Variants in CNTNAP2 observed in about 807,000 individuals in gnomAD.
The protein encoded by CNTNAP2 is contactin-associated protein-like 2.
In CNTNAP2, 98 loss-of-function variants were observed where a neutral mutation model predicts 155.2. The observed-to-expected ratio is 0.63, with a 90% confidence interval of 0.54 to 0.75. The LOEUF is 0.75. CNTNAP2 is among the 30% of genes least tolerant of loss of function. CNTNAP2 has a pLI of 0.00. For synonymous variants in CNTNAP2, 651 were observed against 631.2 expected, an observed-to-expected ratio of 1.03 and a Z score of -0.47; for missense variants, 1,727 against 1,688.1, an observed-to-expected ratio of 1.02 and a Z score of -0.40.
At chr7:148,284,453 C>A (rs1797046572) in intron 21 of CNTNAP2, among the ~76,000 whole-genome samples, 1 of 151,938 alleles carries the variant, frequency 6.6e-6, no homozygotes, top group African/African-American at 2.4e-5. Context: ...GTCCATTAAA[C>A]CTCTTTTTCT....
chr7:147,775,330 TATTTATAA>T (rs1481813333), intron 13 of CNTNAP2, among the ~76,000 whole-genome samples: 1 of 53,932 alleles, frequency 1.9e-5, no homozygotes, highest in African/African-American at 1.3e-4. Flanking sequence ...TATTTATATA[TATTTATAA>T]ATATATATAT....
chr7:147,981,329 C>A (rs1801525837), intron 15 of CNTNAP2, among the ~76,000 whole-genome samples: 1 of 152,190 alleles, frequency 6.6e-6, no homozygotes, highest in Non-Finnish European at 1.5e-5. Context: ...TAGCCTCAGC[C>A]ACACATGTCA....
intron 1 of CNTNAP2, among the ~76,000 whole-genome samples, chr7:146,498,606 A>G (rs969519862): frequency 1.3e-5 from 2 of 152,000 alleles, no homozygotes; most frequent in Non-Finnish European, 2.9e-5. Context: ...AGCATTTTAG[A>G]TTGACTTTTT....
chr7:146,514,662 GT>G (rs1034300377), intron 1 of CNTNAP2, among the ~76,000 whole-genome samples: 4 of 146,074 alleles, frequency 2.7e-5, no homozygotes, highest in Non-Finnish European at 4.5e-5. Context: ...AAAGAGTTTT[GT>G]TTTTTTTTTC....
At chr7:148,366,782 A>G (rs1798789880) in intron 21 of CNTNAP2, among the ~76,000 whole-genome samples, 2 of 152,206 alleles carry the variant, frequency 1.3e-5, no homozygotes, top group African/African-American at 4.8e-5. Context: ...TAGAGTCAGT[A>G]GCAGAGTTTT....
At chr7:148,259,614 C>T (rs1796520069) in intron 20 of CNTNAP2, among the ~76,000 whole-genome samples, 1 of 152,170 alleles carries the variant, frequency 6.6e-6, no homozygotes, top group Non-Finnish European at 1.5e-5. Flanking sequence ...GGCCCGGCCC[C>T]TCCACCGGTC....
At chr7:146,797,122 C>A (rs749134326) in intron 2 of CNTNAP2, among the ~76,000 whole-genome samples, 1 of 151,904 alleles carries the variant, frequency 6.6e-6, no homozygotes, top group South Asian at 2.1e-4. Context: ...GGCAACAGAG[C>A]GAGACTCCAT....
chr7:148,277,682 C>T (rs75584249), intron 21 of CNTNAP2, among the ~76,000 whole-genome samples: 2 of 151,848 alleles, frequency 1.3e-5, no homozygotes, highest in African/African-American at 2.4e-5. Flanking sequence ...TGGTCCCATC[C>T]GTCATCCTTT....
intron 19 of CNTNAP2, among the ~76,000 whole-genome samples, chr7:148,227,925 GTGTGTGTGTGA>G (rs1453350920): frequency 4.6e-5 from 7 of 151,324 alleles, no homozygotes; most frequent in African/African-American, 1.7e-4. Flanking sequence ...GTGTGTGTGT[GTGTGTGTGTGA>G]AAGTCTGGAA....
In CNTNAP2 at chr7:147,033,160, GTATATATATATATATATATATA is replaced by G. The variant is rs3081742; in HGVS notation, c.403-10725_403-10704del. On this transcript the variant is annotated intron_variant, in intron 3 of 23. Coordinates refer to ENST00000361727, the MANE Select transcript of CNTNAP2 (RefSeq NM_014141.6). ...AGGATATTGCTGCATATATATATAT[GTATATATATATATATATATATA>G]TATATATATATATATATATATGGAA... 3.0e-3 allele frequency among the ~76,000 whole-genome samples: 275 copies of G among 90,826 alleles called. 2 individuals carry two copies. The highest frequency in any genetic ancestry group is 7.8e-3 in the African/African-American group (190 of 24,238). 59.6% of individuals were successfully genotyped at this position (90,826 alleles called of 152,430 possible). A position where few individuals can be genotyped will look rare whatever the true frequency, so the allele number is the denominator to read the frequency against.
At chr7:147,120,288 A>C (rs79575282) in intron 5 of CNTNAP2, among the ~76,000 whole-genome samples, 5,054 of 152,240 alleles carry the variant, frequency 0.033, 254 homozygotes, top group African/African-American at 0.11. Flanking sequence ...GCCTGTACTA[A>C]CTCATTGAAT....
intron 1 of CNTNAP2, among the ~76,000 whole-genome samples, chr7:146,707,334 C>T (rs1245080851): frequency 6.6e-6 from 1 of 152,186 alleles, no homozygotes; most frequent in Non-Finnish European, 1.5e-5. Flanking sequence ...TGGGGCCTCA[C>T]TCCATTGTCT....
intron 13 of CNTNAP2, among the ~76,000 whole-genome samples, chr7:147,678,653 T>C (rs1322682778): frequency 6.6e-6 from 1 of 151,944 alleles, no homozygotes; most frequent in Non-Finnish European, 1.5e-5. Flanking sequence ...AGTTCTCATA[T>C]ACACATTATA....
chr7:147,327,695 G>T (rs1795485793), intron 9 of CNTNAP2, among the ~76,000 whole-genome samples: 2 of 152,132 alleles, frequency 1.3e-5, no homozygotes, highest in Non-Finnish European at 2.9e-5. Flanking sequence ...ATAAGAACAA[G>T]AGACTTACAT....
chr7:147,176,974 T>A (rs1413084309), intron 8 of CNTNAP2, among the ~76,000 whole-genome samples: 1 of 139,300 alleles, frequency 7.2e-6, no homozygotes, highest in Non-Finnish European at 1.5e-5. Context: ...ATTCTATATA[T>A]AAAATTATAG....
At chr7:147,644,305 A>G (rs774406080) in intron 13 of CNTNAP2, among the ~76,000 whole-genome samples, 13 of 152,170 alleles carry the variant, frequency 8.5e-5, no homozygotes, top group Non-Finnish European at 1.3e-4. Context: ...AGTGAAATCT[A>G]CTTCTCAAAT....
chr7:146,197,304 C>T (rs547460915), intron 1 of CNTNAP2, among the ~76,000 whole-genome samples: 52 of 152,282 alleles, frequency 3.4e-4, no homozygotes, highest in African/African-American at 1.1e-3. Flanking sequence ...TAAAGAATGT[C>T]TGTTTGCACA....
At chr7:147,316,796 G>T (rs1430868518) in intron 9 of CNTNAP2, among the ~76,000 whole-genome samples, 2 of 152,292 alleles carry the variant, frequency 1.3e-5, no homozygotes, top group Admixed American at 6.5e-5. Context: ...GATGCTAAAA[G>T]ATACTGTGGC....
chr7:147,145,871 C>A (rs1192305242), intron 8 of CNTNAP2, among the ~76,000 whole-genome samples: 1 of 152,168 alleles, frequency 6.6e-6, no homozygotes, highest in East Asian at 1.9e-4. Context: ...TAAGAGAGTT[C>A]TCCCGGTACA....
Sources: gnomAD v4.1 joint callset for allele counts (sites outside exome capture counted in the v4.1 genomes callset) on GRCh38, gnomAD v4.1.1 for gene constraint, MANE v1.5 for transcripts, NCBI Gene and HGNC (gene_info 2026-07-23, HGNC 2026-07-21) for gene names.